The following GNA15 variants were observed in gnomAD, a reference collection of about 807,000 sequenced individuals.
GNA15 encodes the protein guanine nucleotide-binding protein subunit alpha-15.
GNA15 carries 23 observed loss-of-function variants against 40.1 expected under a neutral mutation model. The ratio of observed to expected loss-of-function variants is 0.57; its 90% CI spans 0.41 to 0.81. GNA15 has a LOEUF of 0.81. Among genes scored for constraint, GNA15 ranks in the 40% least tolerant of loss-of-function variants. GNA15 has a pLI of 0.00. For synonymous variants in GNA15, 226 were observed against 210.4 expected, an observed-to-expected ratio of 1.07 and a Z score of -0.64; for missense variants, 522 against 515.8, an observed-to-expected ratio of 1.01 and a Z score of -0.12.
chr19:3,158,257 C>G (rs1187981869), intron 6 of GNA15, among the ~76,000 whole-genome samples: 3 of 152,066 alleles, frequency 2.0e-5, no homozygotes, highest in Non-Finnish European at 2.9e-5. Context: ...TCAAGCGATT[C>G]TCCTACCTCA....
chr19:3,136,468 C>A lies in GNA15; in HGVS notation c.18C>A (p.Thr6=). The part of the protein sequence containing the change: MARSL[T]WRCCPWCLTE... ...ACCGCACCATGGCCCGCTCGCTGAC[C>A]TGGCGCTGCTGCCCCTGGTGCCTGA... Residue 6 remains threonine, a synonymous_variant, in exon 1 of 7, where the codon ACC becomes ACA. Transcript: ENST00000262958. This position sits in a 1 kb window ranked among gnomAD's most constrained non-coding sequence, Gnocchi z 4.9. 6.4e-7 allele frequency: 1 copy of A among 1,551,052 alleles called. No homozygotes were observed. Among genetic ancestry groups the A allele is most frequent in the South Asian group, 1.2e-5 (1 of 84,088 alleles).
Position 3,136,198 on chromosome 19 carries a change from G to A in GNA15, c.-253G>A. The A allele has an allele frequency of 2.2e-6, 1 of 454,576 alleles. No individual in the cohort carries two copies. Among genetic ancestry groups the A allele is most frequent in the South Asian group, 2.5e-5 (1 of 39,964 alleles). The allele number at this position is 454,576 out of a possible 1,614,324, so 28.2% of individuals were successfully genotyped here. A position where few individuals can be genotyped will look rare whatever the true frequency, so the allele number is the denominator to read the frequency against. Reference sequence around the variant, plus strand: ...GAGCAGGTCTGGAGGTGGGCGGGGAGCCCTGGCCTCCCCACCTCCTCCCGT... The same window carrying A: ...GAGCAGGTCTGGAGGTGGGCGGGGAACCCTGGCCTCCCCACCTCCTCCCGT... On this transcript the variant is annotated 5_prime_UTR_variant, in exon 1 of 7. Coordinates refer to ENST00000262958, the MANE Select transcript of GNA15 (RefSeq NM_002068.4). This position sits in a 1 kb window ranked among gnomAD's most constrained non-coding sequence, Gnocchi z 4.9.
chr19:3,153,913 G>T (rs1914940836), intron 4 of GNA15, among the ~76,000 whole-genome samples: 1 of 151,328 alleles, frequency 6.6e-6, no homozygotes, highest in South Asian at 2.1e-4. Flanking sequence ...GGGTGGATGG[G>T]TAGATGGGTG....
chr19:3,153,050 C>T (rs1483714511), intron 4 of GNA15, among the ~76,000 whole-genome samples: 2 of 151,902 alleles, frequency 1.3e-5, no homozygotes, highest in African/African-American at 2.4e-5. Flanking sequence ...TTTGTTCTTT[C>T]GCTCTTCACA....
intron 1 of GNA15, among the ~76,000 whole-genome samples, chr19:3,138,489 G>C (rs11880040): frequency 1.3e-5 from 2 of 152,056 alleles, no homozygotes; most frequent in African/African-American, 4.8e-5. Context: ...TGATCATCCC[G>C]TGATGGTTGC....
At position 3,136,419 on chromosome 19, in the gene GNA15, T is replaced by A; in HGVS notation, c.-32T>A. 6.5e-7 allele frequency: 1 copy of A among 1,543,758 alleles called. No individual in the cohort carries two copies. Among genetic ancestry groups the A allele is most frequent in the South Asian group, 1.2e-5 (1 of 83,590 alleles). ...CTGGCCAGCAGGGGCCCGGGGGCGA[T>A]GCCACCCGGTGCCGACTGAGGCCAC... On this transcript the variant is annotated 5_prime_UTR_variant, in exon 1 of 7. An upstream start codon of the reference 5' UTR is lost. Transcript: ENST00000262958. This position sits in a 1 kb window ranked among gnomAD's most constrained non-coding sequence, Gnocchi z 4.9.
intron 1 of GNA15, among the ~76,000 whole-genome samples, chr19:3,141,167 A>C (rs560680898): frequency 6.6e-6 from 1 of 152,142 alleles, no homozygotes; most frequent in South Asian, 2.1e-4. Context: ...GTCAGAATGA[A>C]GCCGTGAGCC....
intron 1 of GNA15, among the ~76,000 whole-genome samples, chr19:3,144,807 C>T (rs1261187101): frequency 2.7e-5 from 4 of 149,988 alleles, no homozygotes; most frequent in South Asian, 2.1e-4. Context: ...AGATTACAGG[C>T]GTGAGCCACC....
intron 1 of GNA15, among the ~76,000 whole-genome samples, chr19:3,141,032 TC>T (rs1427356116): frequency 6.6e-6 from 1 of 151,188 alleles, no homozygotes; most frequent in Non-Finnish European, 1.5e-5. Context: ...AGGAATTGAA[TC>T]CAAAAGCTGT....
intron 1 of GNA15, chr19:3,142,007 C>A (rs12983007): frequency 0.23 from 35,015 of 152,706 alleles, 4,057 homozygotes; most frequent in Non-Finnish European, 0.26. Flanking sequence ...GGCCTGGCTC[C>A]CCACTTCCCC....
intron 1 of GNA15, among the ~76,000 whole-genome samples, chr19:3,143,634 C>G (rs1281550349): frequency 6.6e-6 from 1 of 151,730 alleles, no homozygotes; most frequent in Non-Finnish European, 1.5e-5. Flanking sequence ...GCCTGGGTGA[C>G]AGAGTGAGAC....
At chr19:3,156,430 T>TGC (rs1491352979) in intron 5 of GNA15, among the ~76,000 whole-genome samples, 2 of 139,188 alleles carry the variant, frequency 1.4e-5, no homozygotes, top group East Asian at 2.0e-4. Flanking sequence ...AACACACACA[T>TGC]GCACACACAC....
At chr19:3,154,239 A>G (rs1914952516) in intron 4 of GNA15, among the ~76,000 whole-genome samples, 2 of 142,036 alleles carry the variant, frequency 1.4e-5, no homozygotes, top group Non-Finnish European at 3.1e-5. Context: ...ATGAATGGGT[A>G]GATGGGTGGT....
rs150911391 is a variant in GNA15, at chr19:3,158,253, G to A, written c.898+372G>A. On this transcript the variant is annotated intron_variant, in intron 6 of 6. Coordinates refer to ENST00000262958, the MANE Select transcript of GNA15 (RefSeq NM_002068.4). ...CAACCTTTCCCTCCAGAGTTCAAGCGATTCTCCTACCTCAGCCTCCCTAGT... is the reference window on the plus strand; with the variant it reads ...CAACCTTTCCCTCCAGAGTTCAAGCAATTCTCCTACCTCAGCCTCCCTAGT... Among the ~76,000 whole-genome samples, 222 of 152,134 alleles carry A rather than the reference G, an allele frequency of 1.5e-3. 2 individuals are homozygous for A. The highest frequency in any genetic ancestry group is 5.2e-3 in the African/African-American group (215 of 41,488).
At chr19:3,143,788 C>T (rs1382950308) in intron 1 of GNA15, among the ~76,000 whole-genome samples, 2 of 152,146 alleles carry the variant, frequency 1.3e-5, no homozygotes, top group South Asian at 2.1e-4. Context: ...TCAACGGCCC[C>T]GAGACTGAGT....
At chr19:3,144,226 C>T (rs1226735617) in intron 1 of GNA15, among the ~76,000 whole-genome samples, 2 of 151,966 alleles carry the variant, frequency 1.3e-5, no homozygotes, top group Non-Finnish European at 2.9e-5. Flanking sequence ...AGTCAAGGGC[C>T]AGCAAGCTCA....
chr19:3,158,288 T>C (rs1224593977), intron 6 of GNA15, among the ~76,000 whole-genome samples: 1 of 152,104 alleles, frequency 6.6e-6, no homozygotes, highest in Admixed American at 6.6e-5. Flanking sequence ...TAGCTGGAAC[T>C]ACAGGTGCGC....
rs1914876911 is a variant in GNA15, at chr19:3,151,314, C to A, written c.486-393C>A. 6.6e-6 allele frequency among the ~76,000 whole-genome samples: 1 copy of A among 152,048 alleles called. No individual in the cohort carries two copies. The highest frequency in any genetic ancestry group is 1.5e-5 in the Non-Finnish European group (1 of 67,978). Reference sequence around the variant, plus strand: ...AGGGGAGACCCTGTTCTGGGGGTGACCCTATTCCTAGTGGGATCCTGTACT... The same window carrying A: ...AGGGGAGACCCTGTTCTGGGGGTGAACCTATTCCTAGTGGGATCCTGTACT... On this transcript the variant is annotated intron_variant, in intron 3 of 6. Coordinates refer to ENST00000262958, the MANE Select transcript of GNA15 (RefSeq NM_002068.4). The surrounding 1 kb of genome is among the most constrained non-coding windows in gnomAD (Gnocchi z 5.0).
rs35111095 is a variant in GNA15, at chr19:3,148,763, G to A, written c.318G>A (p.Arg106=). ...AMERLQIPFS[R]PESKHHASLV... is the part of the protein sequence containing the mutation. ...AGCGGCTGCAGATTCCATTCAGCAGGCCCGAGAGCAAGGTGAGCCGCCAGG... is the reference window on the plus strand; with the variant it reads ...AGCGGCTGCAGATTCCATTCAGCAGACCCGAGAGCAAGGTGAGCCGCCAGG... Residue 106 remains arginine (R), a synonymous_variant, in exon 2 of 7, where the codon AGG becomes AGA. Coordinates refer to ENST00000262958, the MANE Select transcript of GNA15 (RefSeq NM_002068.4). 1,850 of 1,597,058 alleles carry A rather than the reference G, an allele frequency of 1.2e-3. 26 individuals are homozygous for A. The African/African-American group carries it at 0.022, about 19-fold the overall frequency.
Sources: gnomAD v4.1 joint callset for allele counts (sites outside exome capture counted in the v4.1 genomes callset) on GRCh38, gnomAD v4.1.1 for gene constraint, Gnocchi (gnomAD v3.1) non-coding constraint, MANE v1.5 for transcripts, NCBI Gene and HGNC (gene_info 2026-07-23, HGNC 2026-07-21) for gene names.